TRAK2: variants seen among roughly 807,000 people sequenced by gnomAD.
TRAK2 encodes the protein trafficking kinesin protein 2.
A neutral mutation model predicts 104.6 loss-of-function variants in TRAK2; 81 were observed. The observed-to-expected ratio is 0.77, with a 90% CI of 0.65 to 0.93. The LOEUF (loss-of-function observed/expected upper bound fraction) is 0.93, where lower values mean the gene tolerates loss of function less well. Ranked by LOEUF, TRAK2 falls within the 40% of genes least tolerant of loss-of-function variation. The pLI, the probability that TRAK2 is intolerant of heterozygous loss-of-function variation, is 0.00. For synonymous variants in TRAK2, 406 were observed against 394.4 expected (o/e 1.03, Z -0.35); for missense variants, 1,002 against 1,089.0 (o/e 0.92, Z 1.12).
At chr2:201,415,270 T>C (rs1440773410) in intron 2 of TRAK2, among the ~76,000 whole-genome samples, 1 of 152,098 alleles carries the variant, frequency 6.6e-6, no homozygotes, top group African/African-American at 2.4e-5. Context: ...AAATAAATTT[T>C]AACACTTTTC....
intron 1 of TRAK2, among the ~76,000 whole-genome samples, chr2:201,434,001 A>G (rs938383343): frequency 2.6e-5 from 4 of 151,288 alleles, no homozygotes; most frequent in Non-Finnish European, 5.9e-5. Context: ...TCTTTTGCCC[A>G]GGCCGGACTG....
chr2:201,378,500 A>C lies in TRAK2; in HGVS notation c.*2043T>G, dbSNP rs1361110683. The C allele has an allele frequency of 6.6e-6, 1 of 152,208 alleles. No homozygotes were observed. The highest frequency in any genetic ancestry group is 1.5e-5 in the Non-Finnish European group (1 of 68,040). 9.4% of individuals were successfully genotyped at this position (152,208 alleles called of 1,614,324 possible). ...ACAGTAATTACTTTCTTAGGGAACA[A>C]ATAAAAAATTTTAAGAATTGACTAA... On this transcript the variant is annotated 3_prime_UTR_variant, in exon 16 of 16. Transcript: ENST00000332624.
Position 201,399,510 on chromosome 2 carries a change from T to C in TRAK2, c.364-17A>G, listed in dbSNP as rs750342250. 4 of 1,587,964 alleles carry C rather than the reference T, an allele frequency of 2.5e-6. No individual in the cohort carries two copies. The highest frequency in any genetic ancestry group is 2.6e-6 in the Non-Finnish European group (3 of 1,157,496). ...ACGATCCCTCTGTTAAAATACCAAA[T>C]ACACCTTTTCTTTGAGTATAAACAA... On this transcript the variant is annotated splice_polypyrimidine_tract_variant and intron_variant, in intron 4 of 15. Coordinates refer to ENST00000332624, the MANE Select transcript of TRAK2 (RefSeq NM_015049.3).
chr2:201,386,162 C>A, intron 14 of TRAK2, 56 bp downstream of exon 14: 1 of 1,594,218 alleles, frequency 6.3e-7, no homozygotes, highest in South Asian at 1.1e-5. Flanking sequence ...TCTAGTAAGT[C>A]AGAATGCAAA....
Position 201,386,472 on chromosome 2 carries a change from AGAG to A in TRAK2, c.1706_1708del (p.Thr569_Leu570delinsMet). 1 of 1,614,118 alleles carries A rather than the reference AGAG, an allele frequency of 6.2e-7. No homozygotes were observed. ...TTGAGCAAGCTGCTGCCAGTGATAC[AGAG>A]TTTGTGATCCTGAATATGCAAAACA... On this transcript the variant is annotated inframe_deletion, in exon 14 of 16. Coordinates refer to ENST00000332624, the MANE Select transcript of TRAK2 (RefSeq NM_015049.3).
chr2:201,389,562 G>C (rs1202097672), intron 11 of TRAK2, 59 bp from the exon 12 acceptor site: 1 of 1,476,358 alleles, frequency 6.8e-7, no homozygotes, highest in Non-Finnish European at 9.3e-7. Context: ...ATCTAGAGAA[G>C]AGAATGTATG....
chr2:201,388,721 T>C (rs1432433557), intron 12 of TRAK2, among the ~76,000 whole-genome samples: 1 of 152,190 alleles, frequency 6.6e-6, no homozygotes, highest in Non-Finnish European at 1.5e-5. Context: ...CCTAAGATAA[T>C]TGTGTGACAG....
intron 1 of TRAK2, among the ~76,000 whole-genome samples, chr2:201,445,173 G>A (rs555697980): frequency 6.6e-6 from 1 of 152,194 alleles, no homozygotes; most frequent in South Asian, 2.1e-4. Context: ...GTTAAACAGG[G>A]TATCTTCAAG....
chr2:201,392,668 T>C (rs1951458444), intron 10 of TRAK2, among the ~76,000 whole-genome samples: 1 of 152,186 alleles, frequency 6.6e-6, no homozygotes, highest in Non-Finnish European at 1.5e-5. Flanking sequence ...TGAATTTCCT[T>C]AGGGCTCATC....
chr2:201,421,868 G>C (rs1350620874), intron 1 of TRAK2, among the ~76,000 whole-genome samples: 1 of 151,874 alleles, frequency 6.6e-6, no homozygotes, highest in African/African-American at 2.4e-5. Flanking sequence ...AGCCAACATG[G>C]TGAAACCCTG....
chr2:201,445,273 C>T (rs546015774), intron 1 of TRAK2, among the ~76,000 whole-genome samples: 4 of 152,190 alleles, frequency 2.6e-5, no homozygotes, highest in Admixed American at 2.6e-4. Context: ...AAGAAAATTT[C>T]AATACAATGA....
intron 1 of TRAK2, among the ~76,000 whole-genome samples, chr2:201,439,157 T>A (rs935482636): frequency 6.6e-6 from 1 of 152,088 alleles, no homozygotes; most frequent in Non-Finnish European, 1.5e-5. Flanking sequence ...TAGTCTATAG[T>A]AGGGAGGAAA....
At chr2:201,410,681 G>A in intron 2 of TRAK2, 1 of 1,311,468 alleles carries the variant, frequency 7.6e-7, no homozygotes, top group Middle Eastern at 1.8e-4. Flanking sequence ...ATGTTCATCT[G>A]TGTTCCCATT....
Position 201,399,404 on chromosome 2 carries a change from C to T in TRAK2, c.453G>A (p.Glu151=), listed in dbSNP as rs775087074. 6.2e-7 allele frequency: 1 copy of T among 1,611,716 alleles called. No homozygotes were observed. The highest frequency in any genetic ancestry group is 8.5e-7 in the Non-Finnish European group (1 of 1,178,264). ...HVLSEQNESL[E]EQLGQAFDQV... is the part of the protein sequence containing the mutation. Reference sequence around the variant, plus strand: ...GATCAAAGGCTTGTCCCAATTGCTCCTCCAGGGATTCGTTCTGCTCAGATA... The same window carrying T: ...GATCAAAGGCTTGTCCCAATTGCTCTTCCAGGGATTCGTTCTGCTCAGATA... Residue 151 remains glutamate, a synonymous_variant, in exon 5 of 16, where the codon GAG becomes GAA. Coordinates refer to ENST00000332624, the MANE Select transcript of TRAK2 (RefSeq NM_015049.3).
intron 2 of TRAK2, chr2:201,412,367 G>T (rs1951654956): frequency 7.5e-7 from 1 of 1,337,392 alleles, no homozygotes; most frequent in Non-Finnish European, 1.1e-6. Flanking sequence ...TCTGCATCTG[G>T]TCTTACAGTT....
intron 2 of TRAK2, among the ~76,000 whole-genome samples, chr2:201,414,069 A>T (rs545833919): frequency 6.6e-6 from 1 of 152,304 alleles, no homozygotes; most frequent in East Asian, 1.9e-4. Context: ...AGAAGTAACT[A>T]AAATAAGCAA....
At chr2:201,443,355 C>T (rs1008069750) in intron 1 of TRAK2, among the ~76,000 whole-genome samples, 5 of 152,184 alleles carry the variant, frequency 3.3e-5, no homozygotes, top group African/African-American at 1.2e-4. Flanking sequence ...AACTTCCCTT[C>T]CTTGGCTCTC....
chr2:201,443,645 T>A (rs1339089654), intron 1 of TRAK2, among the ~76,000 whole-genome samples: 1 of 152,194 alleles, frequency 6.6e-6, no homozygotes, highest in East Asian at 1.9e-4. Flanking sequence ...ATCCACTGAA[T>A]ACTAGATTCC....
chr2:201,448,667 T>C (rs1951984848), intron 1 of TRAK2, among the ~76,000 whole-genome samples: 1 of 152,246 alleles, frequency 6.6e-6, no homozygotes, highest in Non-Finnish European at 1.5e-5. Context: ...GTCTCATTCC[T>C]TATACTGGTA....
Sources: allele counts gnomAD v4.1 joint callset (sites outside exome capture counted in the v4.1 genomes callset), GRCh38; gene constraint gnomAD v4.1.1; transcripts MANE v1.5; gene names NCBI Gene and HGNC (gene_info 2026-07-23, HGNC 2026-07-21).